Variants in GPC5 observed in about 807,000 individuals in gnomAD.
GPC5 encodes the protein glypican-5.
In GPC5, 47 loss-of-function variants were observed where a neutral mutation model predicts 53.9. The observed-to-expected ratio is 0.87, with a 90% CI of 0.69 to 1.11. The LOEUF (loss-of-function observed/expected upper bound fraction) is 1.11, where lower values mean the gene tolerates loss of function less well. GPC5 is among the 50% of genes most tolerant of loss of function. The pLI, the probability that GPC5 is intolerant of heterozygous loss-of-function variation, is 0.00. For synonymous variants in GPC5, 286 were observed against 263.3 expected, an observed-to-expected ratio of 1.09 and a Z score of -0.84; for missense variants, 748 against 713.1, an observed-to-expected ratio of 1.05 and a Z score of -0.56.
intron 7 of GPC5, among the ~76,000 whole-genome samples, chr13:92,174,670 G>A (rs2042096916): frequency 6.6e-6 from 1 of 152,022 alleles, no homozygotes; most frequent in African/African-American, 2.4e-5. Flanking sequence ...TCACTTTATT[G>A]AGCACCTTGC....
At chr13:92,768,758 C>G (rs1390622682) in intron 7 of GPC5, among the ~76,000 whole-genome samples, 2 of 151,478 alleles carry the variant, frequency 1.3e-5, no homozygotes, top group Admixed American at 6.6e-5. Flanking sequence ...TTCATATTCT[C>G]ATCACCAGAA....
intron 7 of GPC5, among the ~76,000 whole-genome samples, chr13:92,580,075 T>C (rs1594319832): frequency 6.6e-6 from 1 of 152,250 alleles, no homozygotes; most frequent in African/African-American, 2.4e-5. Flanking sequence ...TTGTACATTT[T>C]AAAGTAGAAA....
At chr13:91,932,834 G>A (rs960286769) in intron 6 of GPC5, among the ~76,000 whole-genome samples, 1 of 151,844 alleles carries the variant, frequency 6.6e-6, no homozygotes, top group African/African-American at 2.4e-5. Context: ...TAAATCAGAG[G>A]TTAGACTGCA....
intron 5 of GPC5, among the ~76,000 whole-genome samples, chr13:91,757,207 A>T (rs941132667): frequency 5.0e-4 from 76 of 152,070 alleles, no homozygotes; most frequent in African/African-American, 1.8e-3. Context: ...ACTGGTGGTT[A>T]TTATAGAATG....
intron 7 of GPC5, among the ~76,000 whole-genome samples, chr13:92,580,386 CA>C (rs1883332938): frequency 6.6e-6 from 1 of 152,108 alleles, no homozygotes; most frequent in African/African-American, 2.4e-5. Context: ...TTTGTGTCAT[CA>C]GAAAAAGTAC....
chr13:92,070,394 T>C (rs901128434), intron 6 of GPC5, among the ~76,000 whole-genome samples: 4 of 152,192 alleles, frequency 2.6e-5, no homozygotes, highest in Non-Finnish European at 4.4e-5. Flanking sequence ...AGTCATCTCC[T>C]CTGCCGTGAA....
chr13:91,600,324 AGAGAGAGAGAGAGAGAGAGAGAGAGT>A (rs1389969308), intron 2 of GPC5, among the ~76,000 whole-genome samples: 7 of 9,286 alleles, frequency 7.5e-4, no homozygotes, highest in Non-Finnish European at 3.0e-3. Flanking sequence ...AGAGAGAGAG[AGAGAGAGAGAGAGAGAGAGAGAGAGT>A]GTGTGTGTGT....
intron 6 of GPC5, among the ~76,000 whole-genome samples, chr13:92,068,956 C>A (rs891099021): frequency 2.0e-5 from 3 of 151,716 alleles, no homozygotes; most frequent in African/African-American, 7.3e-5. Flanking sequence ...ATTGTTTAAT[C>A]TAAGGTCATG....
chr13:92,281,199 T>G (rs9516038), intron 7 of GPC5, among the ~76,000 whole-genome samples: 13,016 of 151,858 alleles, frequency 0.086, 619 homozygotes, highest in Middle Eastern at 0.12. Context: ...AAGGCTGGGG[T>G]AGGGGAGCCT....
intron 2 of GPC5, among the ~76,000 whole-genome samples, chr13:91,618,774 T>C (rs922209797): frequency 6.6e-5 from 10 of 152,052 alleles, no homozygotes; most frequent in Non-Finnish European, 1.3e-4. Flanking sequence ...GGGCAAATGA[T>C]TGAAGCTTTT....
At chr13:92,211,368 C>G (rs2042374464) in intron 7 of GPC5, among the ~76,000 whole-genome samples, 1 of 152,230 alleles carries the variant, frequency 6.6e-6, no homozygotes, top group Non-Finnish European at 1.5e-5. Context: ...CTTCCTCATT[C>G]CTGACACCCT....
intron 2 of GPC5, among the ~76,000 whole-genome samples, chr13:91,505,998 G>A (rs1566459750): frequency 6.6e-6 from 1 of 152,032 alleles, no homozygotes; most frequent in African/African-American, 2.4e-5. Flanking sequence ...AGAAACAAAG[G>A]TGATATATTT....
At chr13:92,024,014 G>A (rs1198147096) in intron 6 of GPC5, among the ~76,000 whole-genome samples, 2 of 152,080 alleles carry the variant, frequency 1.3e-5, no homozygotes, top group Non-Finnish European at 2.9e-5. Flanking sequence ...CATGGCTTAA[G>A]AAAGTGAAAT....
intron 7 of GPC5, among the ~76,000 whole-genome samples, chr13:92,505,618 C>T (rs1229000826): frequency 2.0e-5 from 3 of 151,850 alleles, no homozygotes; most frequent in African/African-American, 4.8e-5. Context: ...GGTGTTTACC[C>T]CAGAAAAATA....
At chr13:92,174,451 C>G (rs181420496) in intron 7 of GPC5, among the ~76,000 whole-genome samples, 1 of 151,106 alleles carries the variant, frequency 6.6e-6, no homozygotes, top group Non-Finnish European at 1.5e-5. Context: ...AGGAGAACCG[C>G]GTGAACCCGG....
chr13:91,873,647 T>C (rs1029763296), intron 5 of GPC5, among the ~76,000 whole-genome samples: 6 of 152,116 alleles, frequency 3.9e-5, no homozygotes, highest in African/African-American at 7.2e-5. Flanking sequence ...TTAAACCTCT[T>C]TTTCTGTATA....
At chr13:92,406,538 C>A (rs1310036245) in intron 7 of GPC5, among the ~76,000 whole-genome samples, 2 of 152,092 alleles carry the variant, frequency 1.3e-5, no homozygotes, top group Admixed American at 6.6e-5. Context: ...TAATATGAGC[C>A]AGGTGCTCTG....
At chr13:92,641,263 G>A (rs1000982317) in intron 7 of GPC5, among the ~76,000 whole-genome samples, 2 of 152,052 alleles carry the variant, frequency 1.3e-5, no homozygotes, top group African/African-American at 4.8e-5. Context: ...ATGGTACCCC[G>A]AGAAGGACAC....
At chr13:92,158,904 A>G (rs1211705961) in intron 7 of GPC5, among the ~76,000 whole-genome samples, 1 of 152,198 alleles carries the variant, frequency 6.6e-6, no homozygotes, top group African/African-American at 2.4e-5. Flanking sequence ...TTGCCATTTC[A>G]GACAACCAAT....
Sources: allele counts gnomAD v4.1 joint callset (sites outside exome capture counted in the v4.1 genomes callset), GRCh38; gene constraint gnomAD v4.1.1; transcripts MANE v1.5; gene names NCBI Gene and HGNC (gene_info 2026-07-23, HGNC 2026-07-21).